PANK3: variants seen among roughly 807,000 people sequenced by gnomAD.
The protein encoded by PANK3 is hPanK3.
A neutral mutation model predicts 39.4 loss-of-function variants in PANK3; 20 were observed. The ratio of observed to expected loss-of-function variants is 0.51; its 90% confidence interval spans 0.36 to 0.74. The LOEUF is 0.74. Ranked by LOEUF, PANK3 falls within the 30% of genes least tolerant of loss-of-function variation. PANK3 has a pLI of 0.00. For missense variants in PANK3, 265 were observed against 437.0 expected (o/e 0.61, Z 3.51); for synonymous variants, 140 against 157.3 (o/e 0.89, Z 0.82).
rs1369838111 is a variant in PANK3, at chr5:168,549,178, C to G, written c.*8393G>C. 1 of 152,120 alleles carries G rather than the reference C, an allele frequency of 6.6e-6. No individual in the cohort carries two copies. Among genetic ancestry groups the G allele is most frequent in the Non-Finnish European group, 1.5e-5 (1 of 68,028 alleles). 9.4% of individuals were successfully genotyped at this position (152,120 alleles called of 1,614,324 possible). A position where few individuals can be genotyped will look rare whatever the true frequency, so the allele number is the denominator to read the frequency against. ...TCTTAATATTGCTTACATCCTAATA[C>G]TATTAGTTATATTCGGGGCAAGCAG... On this transcript the variant is annotated 3_prime_UTR_variant, in exon 7 of 7. Coordinates refer to ENST00000239231, the MANE Select transcript of PANK3 (RefSeq NM_024594.4).
In PANK3 at chr5:168,551,367, C is replaced by T. The variant is rs1408566327; in HGVS notation, c.*6204G>A. ...TTTCTAATGTTTTGTTCACACCCAC[C>T]ACAAAACAGTTAAGTTAAATTCAAA... On this transcript the variant is annotated 3_prime_UTR_variant, in exon 7 of 7. Coordinates refer to ENST00000239231, the MANE Select transcript of PANK3 (RefSeq NM_024594.4). 7.9e-5 allele frequency: 12 copies of T among 152,108 alleles called. No homozygotes were observed. Among genetic ancestry groups the T allele is most frequent in the Non-Finnish European group, 1.5e-4 (10 of 68,000 alleles). The allele number at this position is 152,108 out of a possible 1,614,324, so 9.4% of individuals were successfully genotyped here. A position where few individuals can be genotyped will look rare whatever the true frequency, so the allele number is the denominator to read the frequency against.
intron 1 of PANK3, among the ~76,000 whole-genome samples, chr5:168,577,576 C>A (rs947849532): frequency 1.3e-5 from 2 of 151,822 alleles, no homozygotes; most frequent in African/African-American, 2.4e-5. Context: ...TGGCCTCCAG[C>A]GATTCTCCCG....
rs1210883008 is a variant in PANK3 at position 168,568,835 on chromosome 5, C to T, written c.192G>A (p.Arg64=). 3.7e-6 allele frequency: 6 copies of T among 1,613,696 alleles called. No homozygotes were observed. The highest frequency in any genetic ancestry group is 1.7e-5 in the Admixed American group (1 of 59,966). Reference sequence around the variant, plus strand: ...AATCTTTCAGTTCAAGGTGTACATCCCGAATGCCGGTGGATCCATATGCCA... The same window carrying T: ...AATCTTTCAGTTCAAGGTGTACATCTCGAATGCCGGTGGATCCATATGCCA... ...SNVAYGSTGI[R]DVHLELKDLT... Residue 64 remains arginine (R), a synonymous_variant, in exon 2 of 7, where the codon CGG becomes CGA. Transcript: ENST00000239231.
chr5:168,563,417 T>C (rs927989445), intron 4 of PANK3, among the ~76,000 whole-genome samples: 9 of 152,164 alleles, frequency 5.9e-5, no homozygotes, highest in African/African-American at 2.2e-4. Context: ...ACAGGCACTT[T>C]CATTTACCGC....
At position 168,566,285 on chromosome 5, in the gene PANK3, A is replaced by G. The variant is rs576621252; in HGVS notation, c.382-19T>C. 13 of 1,560,142 alleles carry G rather than the reference A, an allele frequency of 8.3e-6. No individual in the cohort carries two copies. Among genetic ancestry groups the G allele is most frequent in the Non-Finnish European group, 1.1e-5 (13 of 1,148,794 alleles). ...TTCCAATCTGTTAAAACAAACAAAC[A>G]AAAACAAAAAAGGATGACATTCAAA... On this transcript the variant is annotated intron_variant, in intron 2 of 6. Coordinates refer to ENST00000239231, the MANE Select transcript of PANK3 (RefSeq NM_024594.4).
chr5:168,576,874 A>ATATTAT (rs534672874), intron 1 of PANK3, among the ~76,000 whole-genome samples: 11 of 150,412 alleles, frequency 7.3e-5, no homozygotes, highest in African/African-American at 2.2e-4. Flanking sequence ...AATAATATTA[A>ATATTAT]TATTATTATT....
chr5:168,576,031 A>G (rs1028049904), intron 1 of PANK3, among the ~76,000 whole-genome samples: 2 of 152,236 alleles, frequency 1.3e-5, no homozygotes, highest in Non-Finnish European at 2.9e-5. Context: ...TTGTTCTGAA[A>G]TAGACTTAAG....
At chr5:168,578,702 C>T (rs1188220578) in intron 1 of PANK3, 3 of 152,208 alleles carry the variant, frequency 2.0e-5, no homozygotes, top group African/African-American at 4.8e-5. Context: ...TGTTTATCTG[C>T]GTTTTCTAAA....
intron 1 of PANK3, among the ~76,000 whole-genome samples, chr5:168,572,703 G>C (rs894027172): frequency 1.3e-5 from 2 of 152,214 alleles, no homozygotes; most frequent in African/African-American, 2.4e-5. Context: ...ATATGTGCAA[G>C]TCACAGGGGA....
intron 6 of PANK3, 144 bp downstream of exon 6, chr5:168,558,888 G>A (rs138283244): frequency 0.016 from 10,050 of 629,104 alleles, 109 homozygotes; most frequent in Non-Finnish European, 0.019. Flanking sequence ...GGGAGGCTGA[G>A]GTGGGAGGAT....
chr5:168,566,865 C>T (rs1759543524), intron 2 of PANK3, among the ~76,000 whole-genome samples: 3 of 152,240 alleles, frequency 2.0e-5, no homozygotes, highest in African/African-American at 7.2e-5. Flanking sequence ...GCCTCAGCCT[C>T]TCAAGTAGCT....
At chr5:168,572,280 A>AT (rs980810273) in intron 1 of PANK3, among the ~76,000 whole-genome samples, 13 of 151,870 alleles carry the variant, frequency 8.6e-5, no homozygotes, top group African/African-American at 2.7e-4. Flanking sequence ...CGACCAACTA[A>AT]TTTTTTTATT....
At chr5:168,559,178 A>T in intron 5 of PANK3, 21 bp from the exon 6 acceptor site, 4 of 1,389,158 alleles carry the variant, frequency 2.9e-6, no homozygotes, top group East Asian at 2.4e-5. Flanking sequence ...AGAACAAAGA[A>T]AAAACTTGTA....
intron 3 of PANK3, among the ~76,000 whole-genome samples, chr5:168,565,129 T>C (rs886544431): frequency 1.2e-4 from 19 of 152,194 alleles, no homozygotes; most frequent in African/African-American, 4.1e-4. Context: ...GGTGAACTTT[T>C]AACCACCATA....
chr5:168,550,496 T>C lies in PANK3; in HGVS notation c.*7075A>G, dbSNP rs536232773. 6 of 152,326 alleles carry C rather than the reference T, an allele frequency of 3.9e-5. No individual in the cohort carries two copies. The highest frequency in any genetic ancestry group is 1.4e-4 in the African/African-American group (6 of 41,582). 9.4% of individuals were successfully genotyped at this position (152,326 alleles called of 1,614,324 possible). A position where few individuals can be genotyped will look rare whatever the true frequency, so the allele number is the denominator to read the frequency against. On this transcript the variant is annotated 3_prime_UTR_variant, in exon 7 of 7. Transcript: ENST00000239231. ...CACAGTAAAAATTCCAGATAACCTT[T>C]ACAGATTTAAAAGTACAAACATTTT...
At chr5:168,571,157 A>G (rs1262497304) in intron 1 of PANK3, among the ~76,000 whole-genome samples, 1 of 152,194 alleles carries the variant, frequency 6.6e-6, no homozygotes, top group Non-Finnish European at 1.5e-5. Context: ...ATTCAGTTTT[A>G]CAACGTGATT....
chr5:168,562,176 G>A (rs1759458505), intron 4 of PANK3, among the ~76,000 whole-genome samples: 1 of 152,054 alleles, frequency 6.6e-6, no homozygotes, highest in Admixed American at 6.6e-5. Context: ...AAGACAGCAA[G>A]AGAAGCGCTA....
intron 1 of PANK3, among the ~76,000 whole-genome samples, chr5:168,574,628 G>A (rs972169115): frequency 1.3e-5 from 2 of 152,154 alleles, no homozygotes; most frequent in Admixed American, 1.3e-4. Context: ...ATGGGAGGCC[G>A]AGGTGGGTGG....
At chr5:168,557,872 C>T (rs905491892) in intron 6 of PANK3, among the ~76,000 whole-genome samples, 1 of 152,150 alleles carries the variant, frequency 6.6e-6, no homozygotes, top group East Asian at 1.9e-4. Flanking sequence ...TTTGCCCAGG[C>T]TGGCCTTGAA....
Sources: gnomAD v4.1 joint callset for allele counts (sites outside exome capture counted in the v4.1 genomes callset) on GRCh38, gnomAD v4.1.1 for gene constraint, MANE v1.5 for transcripts, NCBI Gene and HGNC (gene_info 2026-07-23, HGNC 2026-07-21) for gene names.